ANO2: variants seen among roughly 807,000 people sequenced by gnomAD.
The protein encoded by ANO2 is anoctamin 2, also known as anoctamin-2.
Under a neutral mutation model 124.2 loss-of-function variants are expected in ANO2, and 101 were observed. The ratio of observed to expected loss-of-function variants is 0.81; its 90% CI spans 0.69 to 0.96. The LOEUF (loss-of-function observed/expected upper bound fraction) is 0.96. ANO2 is among the 40% of genes least tolerant of loss of function. The pLI is 0.00. For synonymous variants in ANO2, 486 were observed against 482.5 expected, an observed-to-expected ratio of 1.01 and a Z score of -0.09; for missense variants, 1,293 against 1,274.5, an observed-to-expected ratio of 1.01 and a Z score of -0.22.
chr12:5,913,382 GCCA>G (rs1941170286), intron 3 of ANO2, among the ~76,000 whole-genome samples: 1 of 152,198 alleles, frequency 6.6e-6, no homozygotes, highest in Non-Finnish European at 1.5e-5. Context: ...TGCTTCAGAG[GCCA>G]CAGAGCAGCC....
intron 14 of ANO2, among the ~76,000 whole-genome samples, chr12:5,695,917 C>T (rs1228870106): frequency 6.6e-6 from 1 of 152,144 alleles, no homozygotes; most frequent in Non-Finnish European, 1.5e-5. Context: ...GATATGAGGG[C>T]AGGCTTTTTG....
chr12:5,870,003 A>G (rs898532025), intron 3 of ANO2, among the ~76,000 whole-genome samples: 11 of 152,184 alleles, frequency 7.2e-5, no homozygotes, highest in African/African-American at 2.4e-4. Flanking sequence ...CCATCAGCCC[A>G]AGAATACTGT....
At chr12:5,707,896 C>G (rs778248899) in intron 14 of ANO2, among the ~76,000 whole-genome samples, 1 of 152,168 alleles carries the variant, frequency 6.6e-6, no homozygotes, top group African/African-American at 2.4e-5. Flanking sequence ...TTGTCCACTC[C>G]CATGTGTCCA....
intron 7 of ANO2, among the ~76,000 whole-genome samples, chr12:5,824,902 C>T (rs1953909773): frequency 7.1e-6 from 1 of 141,468 alleles, no homozygotes; most frequent in Admixed American, 6.9e-5. Flanking sequence ...GTGGAAACCC[C>T]TGATAAACCC....
intron 14 of ANO2, among the ~76,000 whole-genome samples, chr12:5,669,166 C>T (rs1476642686): frequency 6.6e-6 from 1 of 152,146 alleles, no homozygotes; most frequent in Non-Finnish European, 1.5e-5. Context: ...TCTTCCTATC[C>T]ATGAGAATGG....
At chr12:5,924,183 C>T (rs1172191607) in intron 1 of ANO2, among the ~76,000 whole-genome samples, 3 of 152,224 alleles carry the variant, frequency 2.0e-5, no homozygotes, top group African/African-American at 2.4e-5. Context: ...ACAGAACTCC[C>T]GGCCCTTTGC....
rs200258741 is a variant in ANO2, at chr12:5,832,451, C to T, written c.785+1G>A. Reference sequence around the variant, plus strand: ...TCTGCTCCAGCAGCTTCAATACTCACAGGTACATCTTCTCCCTGGAGAATG... The same window carrying T: ...TCTGCTCCAGCAGCTTCAATACTCATAGGTACATCTTCTCCCTGGAGAATG... On this transcript the variant is annotated splice_donor_variant, in intron 5 of 24. Transcript: ENST00000682330. LOFTEE classifies it high-confidence loss of function. 1.5e-4 allele frequency: 238 copies of T among 1,613,974 alleles called. No individual in the cohort carries two copies. The African/African-American group carries it at 2.5e-3, about 17-fold the overall frequency.
intron 9 of ANO2, among the ~76,000 whole-genome samples, chr12:5,799,812 C>T (rs1342970952): frequency 2.6e-5 from 4 of 152,178 alleles, no homozygotes; most frequent in East Asian, 1.9e-4. Flanking sequence ...AGCAGAACCC[C>T]GTCTTCTTTA....
chr12:5,805,017 G>A (rs2041615), intron 9 of ANO2, among the ~76,000 whole-genome samples: 67,062 of 151,750 alleles, frequency 0.44, 16,164 homozygotes, highest in Middle Eastern at 0.53. Context: ...AATCTGATGC[G>A]GGACTTTTCA....
At chr12:5,596,581 T>A (rs1042786362) in intron 20 of ANO2, among the ~76,000 whole-genome samples, 11 of 152,220 alleles carry the variant, frequency 7.2e-5, no homozygotes, top group Non-Finnish European at 1.6e-4. Context: ...AATCTCACTC[T>A]CTACAATCTT....
rs892484060 is a variant in ANO2, at chr12:5,904,893, G to A, written c.534+16147C>T. 5.9e-5 allele frequency among the ~76,000 whole-genome samples: 9 copies of A among 152,186 alleles called. No homozygotes were observed. The highest frequency in any genetic ancestry group is 2.2e-4 in the African/African-American group (9 of 41,438). ...ACCTAGGCTGACAGGAGGGAAGACA[G>A]GATCAGCAGAACAAAGGGAACAGGG... On this transcript the variant is annotated intron_variant, in intron 3 of 24. Transcript: ENST00000682330. The surrounding 1 kb of genome is among the most constrained non-coding windows in gnomAD (Gnocchi z 4.1).
At chr12:5,893,535 G>T (rs1036587531) in intron 3 of ANO2, among the ~76,000 whole-genome samples, 2 of 148,572 alleles carry the variant, frequency 1.3e-5, no homozygotes, top group Admixed American at 1.4e-4. Flanking sequence ...TACATGTGCA[G>T]AACGTGGAGG....
chr12:5,820,624 A>C lies in ANO2; in HGVS notation c.892+7145T>G, dbSNP rs1021735603. ...GAAGCCATTAGAGCTGGCTCTACCT[A>C]GAAAAATAGTAAATCAGAAACAATA... On this transcript the variant is annotated intron_variant, in intron 7 of 24. Transcript: ENST00000682330. 6.6e-5 allele frequency among the ~76,000 whole-genome samples: 10 copies of C among 152,336 alleles called. No homozygotes were observed. In the East Asian group the frequency reaches 1.9e-3, roughly 29 times the overall value.
chr12:5,649,414 G>C (rs1330518599), intron 14 of ANO2, among the ~76,000 whole-genome samples: 1 of 152,130 alleles, frequency 6.6e-6, no homozygotes, highest in Non-Finnish European at 1.5e-5. Context: ...CACACAATGA[G>C]AACAAGGTAA....
At chr12:5,681,868 G>A (rs1948506035) in intron 14 of ANO2, among the ~76,000 whole-genome samples, 1 of 152,176 alleles carries the variant, frequency 6.6e-6, no homozygotes, top group African/African-American at 2.4e-5. Flanking sequence ...AGGCTCCCAA[G>A]AAAGCAGACG....
At chr12:5,879,461 T>C (rs1270515215) in intron 3 of ANO2, among the ~76,000 whole-genome samples, 1 of 152,228 alleles carries the variant, frequency 6.6e-6, no homozygotes, top group Non-Finnish European at 1.5e-5. Context: ...TCTCTCTCGA[T>C]ACAAGACCTG....
At chr12:5,601,295 T>C (rs567934469) in intron 19 of ANO2, among the ~76,000 whole-genome samples, 1 of 152,272 alleles carries the variant, frequency 6.6e-6, no homozygotes, top group East Asian at 1.9e-4. Context: ...TAAATAAAGA[T>C]AGACAAATAT....
rs765690432 is a variant in ANO2, at chr12:5,854,095, T to G, written c.581A>C (p.Gln194Pro). Reference protein sequence around the residue: ...SIFVRIHAPWQVLAREAEFLK... With the variant: ...SIFVRIHAPWPVLAREAEFLK... ...GAATTCTGCCTCTCTGGCCAGCACC[T>G]GCCACGGGGCGTGTATCCGGACAAA... Residue 194 changes from glutamine to proline, a missense_variant, in exon 4 of 25, where the codon CAG (glutamine) becomes CCG (proline). By Grantham distance (76) the Gln-to-Pro change is moderately conservative. Coordinates refer to ENST00000682330, the MANE Select transcript of ANO2 (RefSeq NM_001364791.2). The G allele has an allele frequency of 6.2e-7, 1 of 1,612,980 alleles. No homozygotes were observed. The highest frequency in any genetic ancestry group is 1.3e-5 in the African/African-American group (1 of 74,868).
At chr12:5,607,417 T>C (rs531450403) in intron 19 of ANO2, among the ~76,000 whole-genome samples, 59 of 144,066 alleles carry the variant, frequency 4.1e-4, no homozygotes, top group African/African-American at 1.5e-3. Flanking sequence ...TGTTTTAACG[T>C]AAAAACCTTT....
Sources: gnomAD v4.1 joint callset for allele counts (sites outside exome capture counted in the v4.1 genomes callset) on GRCh38, gnomAD v4.1.1 for gene constraint, Gnocchi (gnomAD v3.1) non-coding constraint, MANE v1.5 for transcripts, NCBI Gene and HGNC (gene_info 2026-07-23, HGNC 2026-07-21) for gene names.